KCNH7: variants seen among roughly 807,000 people sequenced by gnomAD.
The protein encoded by KCNH7 is voltage-gated inwardly rectifying potassium channel KCNH7.
Under a neutral mutation model 120.8 loss-of-function variants are expected in KCNH7, and 49 were observed. The observed-to-expected ratio is 0.41, with a 90% CI of 0.32 to 0.51. The LOEUF (loss-of-function observed/expected upper bound fraction) is 0.51, where lower values mean the gene tolerates loss of function less well. KCNH7 is among the 20% of genes least tolerant of loss of function. The probability of loss-of-function intolerance (pLI) is 0.38; values close to 1 mark genes in which losing one functional copy is unlikely to be tolerated. For synonymous variants in KCNH7, 547 were observed against 516.1 expected, an observed-to-expected ratio of 1.06 and a Z score of -0.81; for missense variants, 1,097 against 1,446.6, an observed-to-expected ratio of 0.76 and a Z score of 3.92.
rs1432121773 is a variant in KCNH7 at position 162,379,966 on chromosome 2, G to T, written c.3018C>A (p.Asp1006Glu). 1 of 1,614,080 alleles carries T rather than the reference G, an allele frequency of 6.2e-7. No individual in the cohort carries two copies. Among genetic ancestry groups the T allele is most frequent in the Middle Eastern group, 1.7e-4 (1 of 6,056 alleles). The change falls in exon 14 of 16, where the codon GAC (aspartate) becomes GAA (glutamate). Residue 1006 changes from aspartate (D) to glutamate (E), a missense_variant. Asp to Glu is a conservative substitution (Grantham distance 45, BLOSUM62 2). Coordinates refer to ENST00000332142, the MANE Select transcript of KCNH7 (RefSeq NM_033272.4). ...CTCGCTGAAGTGCAGATGGACTGGA[G>T]TCTTCAGGCTGGGGATGTGCATTTT... ...ERENAHPQPE[D>E]SSPSALQRAA... is the part of the protein sequence containing the mutation.
intron 2 of KCNH7, among the ~76,000 whole-genome samples, chr2:162,691,988 A>T (rs1248109816): frequency 6.6e-6 from 1 of 152,140 alleles, no homozygotes; most frequent in African/African-American, 2.4e-5. Flanking sequence ...TGTGATTTCT[A>T]CTGCTGCTGA....
Position 162,557,984 on chromosome 2 carries a change from A to G in KCNH7, c.308-20904T>C, listed in dbSNP as rs80034676. On this transcript the variant is annotated intron_variant, in intron 2 of 15. Transcript: ENST00000332142. ...AAAGAGGGAAGATAATCCTTTCTAT[A>G]TAAGTGTGGTAATGTAATACATCTG... Among the ~76,000 whole-genome samples, 627 of 152,294 alleles carry G rather than the reference A, an allele frequency of 4.1e-3. 4 individuals are homozygous for G. Among genetic ancestry groups the G allele is most frequent in the African/African-American group, 0.015 (605 of 41,556 alleles).
chr2:162,531,336 C>T (rs142565697), intron 3 of KCNH7, among the ~76,000 whole-genome samples: 3 of 152,056 alleles, frequency 2.0e-5, no homozygotes, highest in Admixed American at 6.5e-5. Flanking sequence ...TAAAAGTCCC[C>T]TTCTCTGCCA....
intron 6 of KCNH7, among the ~76,000 whole-genome samples, chr2:162,484,529 G>A (rs1239002363): frequency 1.3e-5 from 2 of 152,074 alleles, no homozygotes; most frequent in Non-Finnish European, 2.9e-5. Context: ...AAGTCAGGAT[G>A]CATCCTAACT....
chr2:162,387,413 A>C (rs928598841), intron 12 of KCNH7, among the ~76,000 whole-genome samples: 2 of 151,426 alleles, frequency 1.3e-5, no homozygotes, highest in Admixed American at 6.6e-5. Flanking sequence ...CTAAATTTTG[A>C]TGGACTGTAC....
chr2:162,804,680 A>G (rs1684471953), intron 2 of KCNH7, among the ~76,000 whole-genome samples: 1 of 151,918 alleles, frequency 6.6e-6, no homozygotes, highest in Non-Finnish European at 1.5e-5. Flanking sequence ...GCCCAAAACC[A>G]TCCACAGAGT....
intron 2 of KCNH7, among the ~76,000 whole-genome samples, chr2:162,821,326 C>G (rs1301491388): frequency 6.6e-6 from 1 of 152,200 alleles, no homozygotes. Context: ...GAACCTTCAA[C>G]ATGGAATTTA....
intron 6 of KCNH7, among the ~76,000 whole-genome samples, chr2:162,467,958 C>T (rs543120586): frequency 2.6e-5 from 4 of 152,304 alleles, no homozygotes; most frequent in African/African-American, 9.6e-5. Context: ...GGCTCTTACC[C>T]TCATGATCTA....
intron 7 of KCNH7, among the ~76,000 whole-genome samples, chr2:162,436,697 A>G (rs1360307278): frequency 6.6e-6 from 1 of 152,210 alleles, no homozygotes; most frequent in African/African-American, 2.4e-5. Flanking sequence ...AAGCACATCC[A>G]ACTACATTAA....
At chr2:162,447,288 A>G (rs995570849) in intron 6 of KCNH7, among the ~76,000 whole-genome samples, 1 of 152,086 alleles carries the variant, frequency 6.6e-6, no homozygotes, top group Non-Finnish European at 1.5e-5. Flanking sequence ...TGAAAGCTAA[A>G]GTACAGTTTT....
intron 3 of KCNH7, among the ~76,000 whole-genome samples, chr2:162,523,645 A>G (rs1445508988): frequency 6.6e-6 from 1 of 151,760 alleles, no homozygotes; most frequent in Non-Finnish European, 1.5e-5. Flanking sequence ...GACTTCAACC[A>G]ATTCTTCTAA....
intron 2 of KCNH7, among the ~76,000 whole-genome samples, chr2:162,799,266 G>C (rs1684258522): frequency 6.6e-6 from 1 of 151,754 alleles, no homozygotes; most frequent in Admixed American, 6.6e-5. Context: ...TAGCAATGAT[G>C]GGGTCTGAAT....
intron 2 of KCNH7, among the ~76,000 whole-genome samples, chr2:162,620,735 A>G (rs890220794): frequency 6.6e-6 from 1 of 152,182 alleles, no homozygotes; most frequent in Non-Finnish European, 1.5e-5. Flanking sequence ...CAGTTCAGGT[A>G]GATAGAAATG....
chr2:162,499,312 A>G (rs983969620), intron 6 of KCNH7, among the ~76,000 whole-genome samples: 1 of 151,978 alleles, frequency 6.6e-6, no homozygotes, highest in African/African-American at 2.4e-5. Context: ...AGGAGACCTT[A>G]CCTTTGTTCT....
chr2:162,765,892 G>A lies in KCNH7; in HGVS notation c.307+70645C>T, dbSNP rs146600188. The stretch of plus-strand genomic sequence containing the variant: ...CTCCGGCCTCAGCCTCCCAAGTGTC[G>A]GGGACCATGCCCCACCAAGCCAGTT... On this transcript the variant is annotated intron_variant, in intron 2 of 15. Coordinates refer to ENST00000332142, the MANE Select transcript of KCNH7 (RefSeq NM_033272.4). Among the ~76,000 whole-genome samples the A allele has an allele frequency of 6.2e-3, 947 of 151,966 alleles. 3 individuals are homozygous for A. The highest frequency in any genetic ancestry group is 0.015 in the South Asian group (71 of 4,808).
chr2:162,412,398 T>A (rs2105467847), intron 9 of KCNH7, among the ~76,000 whole-genome samples: 1 of 152,246 alleles, frequency 6.6e-6, no homozygotes, highest in Middle Eastern at 3.4e-3. Flanking sequence ...CAATTCTTAT[T>A]TAACTATTAT....
chr2:162,495,471 A>T (rs1690464406), intron 6 of KCNH7, among the ~76,000 whole-genome samples: 1 of 152,208 alleles, frequency 6.6e-6, no homozygotes, highest in Non-Finnish European at 1.5e-5. Flanking sequence ...CTTGTAGAAC[A>T]GAGTTCTATT....
intron 2 of KCNH7, among the ~76,000 whole-genome samples, chr2:162,591,393 T>TA (rs962755924): frequency 3.0e-4 from 45 of 151,182 alleles, no homozygotes; most frequent in Admixed American, 6.6e-4. Flanking sequence ...TTTATTTTTA[T>TA]AAAAAAAAAC....
chr2:162,604,746 T>C (rs1248280207), intron 2 of KCNH7, among the ~76,000 whole-genome samples: 2 of 152,062 alleles, frequency 1.3e-5, no homozygotes, highest in Admixed American at 6.6e-5. Flanking sequence ...TTGATTTAAA[T>C]TTTTCTAAAT....
Sources: gnomAD v4.1 joint callset for allele counts (sites outside exome capture counted in the v4.1 genomes callset) on GRCh38, gnomAD v4.1.1 for gene constraint, MANE v1.5 for transcripts, NCBI Gene and HGNC (gene_info 2026-07-23, HGNC 2026-07-21) for gene names.